NXPE3: variants seen among roughly 807,000 people sequenced by gnomAD.
NXPE3 encodes neurexophilin and PC-esterase domain family member 3.
Under a neutral mutation model 46.1 loss-of-function variants are expected in NXPE3, and 26 were observed. The ratio of observed to expected loss-of-function variants is 0.56; its 90% CI spans 0.41 to 0.78. The LOEUF is 0.78. Among genes scored for constraint, NXPE3 ranks in the 30% least tolerant of loss-of-function variants. The probability of loss-of-function intolerance (pLI) is 0.00; values close to 1 mark genes in which losing one functional copy is unlikely to be tolerated. For missense variants in NXPE3, 620 were observed against 686.0 expected (o/e 0.90, Z 1.07); for synonymous variants, 272 against 257.9 (o/e 1.05, Z -0.52).
At chr3:101,797,321 T>A (rs1003220106) in intron 4 of NXPE3, among the ~76,000 whole-genome samples, 35 of 152,196 alleles carry the variant, frequency 2.3e-4, no homozygotes, top group African/African-American at 8.4e-4. Context: ...CATGGGTGGT[T>A]AAGAACACAG....
rs1576727794 is a variant in NXPE3, at chr3:101,786,845, C to T, written c.93+1156C>T. 4.6e-5 allele frequency among the ~76,000 whole-genome samples: 7 copies of T among 152,254 alleles called. 2 individuals carry two copies. Among genetic ancestry groups the T allele is most frequent in the Admixed American group, 4.6e-4 (7 of 15,302 alleles). On this transcript the variant is annotated intron_variant, in intron 4 of 7. Transcript: ENST00000273347. ...GTGTACAATTGAGTAGCATTAAGTA[C>T]ATTCACATTGTTGTGCAATCACCCC...
chr3:101,786,476 CT>C (rs1213078284), intron 4 of NXPE3, among the ~76,000 whole-genome samples: 1 of 152,202 alleles, frequency 6.6e-6, no homozygotes, highest in Non-Finnish European at 1.5e-5. Context: ...CCTAATCTCT[CT>C]GTGAAATGGG....
rs1425295121 is a variant in NXPE3 at position 101,821,514 on chromosome 3, T to C, written c.1240T>C (p.Phe414Leu). 6.2e-7 allele frequency: 1 copy of C among 1,614,190 alleles called. No homozygotes were observed. The highest frequency in any genetic ancestry group is 8.5e-7 in the Non-Finnish European group (1 of 1,180,030). Residue 414 changes from phenylalanine (F) to leucine (L), a missense_variant, in exon 8 of 8, where the codon TTC becomes CTC. Around this residue, in one of 3 missense-constraint regions of NXPE3, gnomAD observed 511 missense variants for 528.6 expected, o/e 0.97. Transcript: ENST00000273347. Reference sequence around the variant, plus strand: ...CCGCTGCCATGGTCCACCCATCCGCTTCACGACTGTCTTTAGCAATGAGCT... The same window carrying C: ...CCGCTGCCATGGTCCACCCATCCGCCTCACGACTGTCTTTAGCAATGAGCT... ...KYRCHGPPIR[F>L]TTVFSNELHY... is the part of the protein sequence containing the mutation.
chr3:101,785,620 A>G lies in NXPE3; in HGVS notation c.24A>G (p.Leu8=), dbSNP rs1940119582. MWTNFFK[L]RLFCCLLAVL... Reference sequence around the variant, plus strand: ...CAATGTGGACCAATTTCTTCAAACTACGGCTTTTCTGCTGTCTGCTTGCAG... The same window carrying G: ...CAATGTGGACCAATTTCTTCAAACTGCGGCTTTTCTGCTGTCTGCTTGCAG... Residue 8 remains leucine (L), a synonymous_variant, in exon 4 of 8, where the codon CTA becomes CTG. Coordinates refer to ENST00000273347, the MANE Select transcript of NXPE3 (RefSeq NM_145037.4). 6.2e-7 allele frequency: 1 copy of G among 1,614,034 alleles called. No homozygotes were observed. Among genetic ancestry groups the G allele is most frequent in the South Asian group, 1.1e-5 (1 of 91,074 alleles).
intron 7 of NXPE3, among the ~76,000 whole-genome samples, chr3:101,820,638 A>G (rs1038214152): frequency 2.6e-5 from 4 of 152,232 alleles, no homozygotes; most frequent in Non-Finnish European, 4.4e-5. Context: ...AATGCCCATC[A>G]GTGACAGACT....
At chr3:101,812,835 A>AAAG (rs1560061720) in intron 6 of NXPE3, among the ~76,000 whole-genome samples, 42 of 142,390 alleles carry the variant, frequency 2.9e-4, no homozygotes, top group Non-Finnish European at 4.8e-4. Context: ...AAAAAAAAAA[A>AAAG]AAAAAAAGAT....
At chr3:101,791,925 C>T (rs1940541921) in intron 4 of NXPE3, among the ~76,000 whole-genome samples, 1 of 152,126 alleles carries the variant, frequency 6.6e-6, no homozygotes, top group South Asian at 2.1e-4. Context: ...TAAGTGTTCC[C>T]TTTCCTCTTC....
intron 4 of NXPE3, among the ~76,000 whole-genome samples, chr3:101,798,639 G>A (rs1271144328): frequency 6.9e-6 from 1 of 144,966 alleles, no homozygotes; most frequent in African/African-American, 2.6e-5. Context: ...TTGAGACAAA[G>A]TCTTGTTCTG....
At chr3:101,795,029 T>G (rs1040831218) in intron 4 of NXPE3, among the ~76,000 whole-genome samples, 1 of 152,196 alleles carries the variant, frequency 6.6e-6, no homozygotes, top group African/African-American at 2.4e-5. Flanking sequence ...ACTGTTGTCA[T>G]GAATTTTAAG....
chr3:101,788,846 C>T (rs550032557), intron 4 of NXPE3, among the ~76,000 whole-genome samples: 86 of 152,214 alleles, frequency 5.6e-4, no homozygotes, highest in African/African-American at 2.0e-3. Flanking sequence ...GAACTCTTGA[C>T]CTCAGGCGAT....
At chr3:101,819,837 A>C (rs1408909549) in intron 7 of NXPE3, among the ~76,000 whole-genome samples, 1 of 152,250 alleles carries the variant, frequency 6.6e-6, no homozygotes, top group Non-Finnish European at 1.5e-5. Context: ...CATGTTGTGC[A>C]ATAGATGTCT....
At chr3:101,815,197 A>G (rs762742107) in intron 6 of NXPE3, among the ~76,000 whole-genome samples, 1 of 152,260 alleles carries the variant, frequency 6.6e-6, no homozygotes, top group South Asian at 2.1e-4. Context: ...CTAGGTTACA[A>G]CCAGGAGGTA....
intron 3 of NXPE3, 49 bp downstream of exon 3, chr3:101,782,829 T>TGC (rs1939904551): frequency 6.6e-6 from 1 of 152,056 alleles, no homozygotes; most frequent in Non-Finnish European, 1.5e-5. Flanking sequence ...TTTGTGTGTG[T>TGC]GGAGTTGGGG....
chr3:101,820,586 T>C (rs560215633), intron 7 of NXPE3, among the ~76,000 whole-genome samples: 2 of 152,318 alleles, frequency 1.3e-5, no homozygotes, highest in South Asian at 4.1e-4. Flanking sequence ...GAAATGTTCA[T>C]TGCAGCGCTG....
chr3:101,799,110 A>G (rs1300619221), intron 4 of NXPE3, among the ~76,000 whole-genome samples: 1 of 151,760 alleles, frequency 6.6e-6, no homozygotes, highest in Admixed American at 6.6e-5. Flanking sequence ...AACTTTAAAA[A>G]AAAATTCTTG....
At chr3:101,786,506 A>T (rs1352012589) in intron 4 of NXPE3, among the ~76,000 whole-genome samples, 2 of 152,228 alleles carry the variant, frequency 1.3e-5, no homozygotes, top group Non-Finnish European at 2.9e-5. Context: ...GGTCCTACAG[A>T]TCTTTTCCTG....
rs977207425 is a variant in NXPE3 at position 101,824,840 on chromosome 3, G to A, written c.*2886G>A. The stretch of plus-strand genomic sequence containing the variant: ...CCCAGGAGAATTTTAAAAAGAAAGC[G>A]GGCATTGCTCCTCCAGTGGTTTGGA... On this transcript the variant is annotated 3_prime_UTR_variant, in exon 8 of 8. Coordinates refer to ENST00000273347, the MANE Select transcript of NXPE3 (RefSeq NM_145037.4). 6.6e-6 allele frequency: 1 copy of A among 152,074 alleles called. No homozygotes were observed. Among genetic ancestry groups the A allele is most frequent in the African/African-American group, 2.4e-5 (1 of 41,408 alleles). The allele number at this position is 152,074 out of a possible 1,614,324, so 9.4% of individuals were successfully genotyped here. A position where few individuals can be genotyped will look rare whatever the true frequency, so the allele number is the denominator to read the frequency against.
rs1216931018 is a variant in NXPE3, at chr3:101,821,478, C to T, written c.1204C>T (p.Leu402=). The change falls in exon 8 of 8, where the codon CTG becomes TTG. Residue 402 remains leucine, a synonymous_variant. Coordinates refer to ENST00000273347, the MANE Select transcript of NXPE3 (RefSeq NM_145037.4). ...FLAVDQKHNI[L]LKYRCHGPPI... is the part of the protein sequence containing the mutation. ...TGCAGTGGACCAGAAGCACAACATC[C>T]TGCTCAAATACCGCTGCCATGGTCC... is the stretch of plus-strand genomic sequence containing the variant. The T allele has an allele frequency of 6.2e-7, 1 of 1,614,186 alleles. No homozygotes were observed. The highest frequency in any genetic ancestry group is 2.2e-5 in the East Asian group (1 of 44,880).
At chr3:101,793,627 C>CTTTTTTTTT in intron 4 of NXPE3, among the ~76,000 whole-genome samples, 13 of 19,410 alleles carry the variant, frequency 6.7e-4, no homozygotes, top group Admixed American at 8.8e-4. Flanking sequence ...TTGACAAGGT[C>CTTTTTTTTT]TTTTTTTTTT....
Sources: allele counts gnomAD v4.1 joint callset (sites outside exome capture counted in the v4.1 genomes callset), GRCh38; gene constraint gnomAD v4.1.1; regional missense constraint gnomAD v4.1.1; transcripts MANE v1.5; gene names NCBI Gene and HGNC (gene_info 2026-07-23, HGNC 2026-07-21).